Variants in PTER observed in about 807,000 individuals in gnomAD.
PTER encodes the protein N-acetyltaurine hydrolase.
A neutral mutation model predicts 29.6 loss-of-function variants in PTER; 38 were observed. The observed-to-expected ratio is 1.28, with a 90% confidence interval of 0.99 to 1.68. The LOEUF is 1.68. Among genes scored for constraint, PTER ranks in the 40% most tolerant of loss-of-function variants. The pLI, the probability that PTER is intolerant of heterozygous loss-of-function variation, is 0.00. For synonymous variants in PTER, 172 were observed against 154.5 expected, an observed-to-expected ratio of 1.11 and a Z score of -0.84; for missense variants, 482 against 427.8, an observed-to-expected ratio of 1.13 and a Z score of -1.12.
chr10:16,466,452 T>C (rs1420152747), intron 1 of PTER, among the ~76,000 whole-genome samples: 1 of 152,172 alleles, frequency 6.6e-6, no homozygotes, highest in Non-Finnish European at 1.5e-5. Context: ...GCCTCCCCAA[T>C]TCAAGTGATT....
chr10:16,439,685 G>A (rs1252160342), intron 1 of PTER, among the ~76,000 whole-genome samples: 1 of 152,120 alleles, frequency 6.6e-6, no homozygotes, highest in East Asian at 1.9e-4. Context: ...TCATACAGGA[G>A]GAATGTTTAT....
At chr10:16,468,012 A>C (rs1588600900) in intron 1 of PTER, among the ~76,000 whole-genome samples, 1 of 152,188 alleles carries the variant, frequency 6.6e-6, no homozygotes. Flanking sequence ...CTGTGATCTC[A>C]GAATTATCTA....
At chr10:16,499,857 T>C (rs903897155) in intron 3 of PTER, among the ~76,000 whole-genome samples, 2 of 151,996 alleles carry the variant, frequency 1.3e-5, no homozygotes, top group African/African-American at 4.8e-5. Context: ...TATGTATGTC[T>C]TGGTTTTTTT....
At position 16,462,131 on chromosome 10, in the gene PTER, G is replaced by A. The variant is rs186763543; in HGVS notation, c.-48-22206G>A. ...CCCCCAAGTACCTGGAATTACAGGC[G>A]CCTGCCACTACGCCTGGCTAATTTT... is the stretch of plus-strand genomic sequence containing the variant. On this transcript the variant is annotated intron_variant, in intron 1 of 4. Transcript: ENST00000535784. 4.3e-3 allele frequency among the ~76,000 whole-genome samples: 650 copies of A among 151,804 alleles called. 9 individuals are homozygous for A. Among genetic ancestry groups the A allele is most frequent in the African/African-American group, 0.015 (602 of 41,420 alleles).
At chr10:16,452,042 C>T (rs1397909468) in intron 1 of PTER, among the ~76,000 whole-genome samples, 1 of 152,060 alleles carries the variant, frequency 6.6e-6, no homozygotes, top group Non-Finnish European at 1.5e-5. Flanking sequence ...TTTACTTTAG[C>T]TCCATCCTAA....
Position 16,484,703 on chromosome 10 carries a change from A to T in PTER, c.319A>T (p.Thr107Ser). 6.2e-7 allele frequency: 1 copy of T among 1,614,168 alleles called. No homozygotes were observed. ...ENTTTGISRDTQTLKRLAEET... is the reference protein window; with the variant it reads ...ENTTTGISRDSQTLKRLAEET... ...CACAACCACTGGGATTAGCCGAGAC[A>T]CACAGACGTTGAAGAGGCTTGCAGA... is the stretch of plus-strand genomic sequence containing the variant. The change falls in exon 2 of 5, where the codon ACA becomes TCA. Residue 107 changes from threonine (T) to serine (S), a missense_variant. Coordinates refer to ENST00000535784, the MANE Select transcript of PTER (RefSeq NM_001261836.2).
intron 1 of PTER, among the ~76,000 whole-genome samples, chr10:16,457,640 C>G (rs369415465): frequency 6.6e-6 from 1 of 152,086 alleles, no homozygotes; most frequent in Non-Finnish European, 1.5e-5. Context: ...CACTCTGTCA[C>G]CCAGGCTGGA....
At chr10:16,514,854 G>C (rs1482037931), downstream of PTER, 3 of 627,242 alleles carry the variant, frequency 4.8e-6, no homozygotes, top group Non-Finnish European at 8.2e-6. Context: ...AGCTTTATGA[G>C]GATAGTGCTG....
chr10:16,474,729 T>C (rs965000823), intron 1 of PTER, among the ~76,000 whole-genome samples: 1 of 151,876 alleles, frequency 6.6e-6, no homozygotes, highest in Non-Finnish European at 1.5e-5. Context: ...CCGCTAAAAA[T>C]ACAAAAAATT....
Position 16,496,073 on chromosome 10 carries a change from G to A in PTER, c.699-8947G>A, listed in dbSNP as rs568273119. Among the ~76,000 whole-genome samples the A allele has an allele frequency of 4.1e-4, 62 of 152,184 alleles. 1 individual carries two copies. The South Asian group carries it at 7.9e-3, about 19-fold the overall frequency. ...GCTCCGTAATCTGGCTAATAACAGCGCTATTTACCCAGCTGTTAGCCTAAA... is the reference window on the plus strand; with the variant it reads ...GCTCCGTAATCTGGCTAATAACAGCACTATTTACCCAGCTGTTAGCCTAAA... On this transcript the variant is annotated intron_variant, in intron 3 of 4. Coordinates refer to ENST00000535784, the MANE Select transcript of PTER (RefSeq NM_001261836.2).
chr10:16,514,705 C>G (rs766554141), downstream of PTER: 1 of 1,608,680 alleles, frequency 6.2e-7, no homozygotes, highest in Non-Finnish European at 8.5e-7. Context: ...CACTAGCACG[C>G]ACCTATGTGA....
chr10:16,516,974 G>C (rs1033852418), downstream of PTER, among the ~76,000 whole-genome samples: 1 of 152,142 alleles, frequency 6.6e-6, no homozygotes, highest in African/African-American at 2.4e-5. Context: ...TGGTATGGCT[G>C]CTCACCTGAT....
intron 1 of PTER, among the ~76,000 whole-genome samples, chr10:16,462,141 AC>A (rs1436760042): frequency 2.0e-5 from 3 of 151,930 alleles, no homozygotes; most frequent in Admixed American, 1.3e-4. Context: ...GCCTGCCACT[AC>A]GCCTGGCTAA....
rs1381021412 is a variant in PTER, at chr10:16,511,164, G to T, written c.958G>T (p.Val320Phe). The part of the protein sequence containing the change: ...GHGYSHILTN[V>F]VPKMLLRGIT... ...CGGCTATTCTCATATACTCACCAAT[G>T]TTGTTCCTAAAATGTTGCTGAGAGG... The change falls in exon 5 of 5, where the codon GTT becomes TTT. Residue 320 changes from valine (V) to phenylalanine (F), a missense_variant. Coordinates refer to ENST00000535784, the MANE Select transcript of PTER (RefSeq NM_001261836.2). 1.2e-6 allele frequency: 2 copies of T among 1,614,154 alleles called. No individual in the cohort carries two copies. Among genetic ancestry groups the T allele is most frequent in the African/African-American group, 2.7e-5 (2 of 75,044 alleles).
chr10:16,444,145 G>A (rs11253993), intron 1 of PTER, among the ~76,000 whole-genome samples: 8,614 of 151,882 alleles, frequency 0.057, 429 homozygotes, highest in East Asian at 0.22. Context: ...GGAACTATAG[G>A]CACGTGCCAC....
intron 3 of PTER, among the ~76,000 whole-genome samples, chr10:16,491,335 T>C (rs757921286): frequency 2.0e-4 from 30 of 152,096 alleles, no homozygotes; most frequent in Non-Finnish European, 3.8e-4. Context: ...AAAAAAATAA[T>C]CAGGGAGGCA....
At chr10:16,481,196 T>C (rs1158153433) in intron 1 of PTER, among the ~76,000 whole-genome samples, 1 of 152,270 alleles carries the variant, frequency 6.6e-6, no homozygotes, top group African/African-American at 2.4e-5. Context: ...CACTAGCTTC[T>C]GTGCCGGTGT....
intron 3 of PTER, among the ~76,000 whole-genome samples, chr10:16,497,548 GGT>G (rs1206644764): frequency 8.5e-5 from 13 of 152,124 alleles, no homozygotes; most frequent in Non-Finnish European, 1.2e-4. Context: ...AATTTATGAA[GGT>G]GTGTTTCAAT....
intron 1 of PTER, among the ~76,000 whole-genome samples, chr10:16,478,721 C>T (rs1040624410): frequency 1.3e-5 from 2 of 152,024 alleles, no homozygotes; most frequent in Admixed American, 6.6e-5. Flanking sequence ...GTTTGTAGAC[C>T]ACAGTCTACA....
Sources: gnomAD v4.1 joint callset for allele counts (sites outside exome capture counted in the v4.1 genomes callset) on GRCh38, gnomAD v4.1.1 for gene constraint, MANE v1.5 for transcripts, NCBI Gene and HGNC (gene_info 2026-07-23, HGNC 2026-07-21) for gene names.